Variants in KIDINS220 observed in about 807,000 individuals in gnomAD.
KIDINS220 encodes kinase D interacting substrate 220, also known as kinase D-interacting substrate of 220 kDa.
A neutral mutation model predicts 157.6 loss-of-function variants in KIDINS220; 63 were observed. The ratio of observed to expected loss-of-function variants is 0.40; its 90% CI spans 0.33 to 0.49. KIDINS220 has a LOEUF of 0.49. Ranked by LOEUF, KIDINS220 falls within the 20% of genes least tolerant of loss-of-function variation. The probability of loss-of-function intolerance (pLI) is 0.66; values close to 1 mark genes in which losing one functional copy is unlikely to be tolerated. For missense variants in KIDINS220, 1,772 were observed against 2,171.2 expected (o/e 0.82, Z 3.65); for synonymous variants, 732 against 783.6 (o/e 0.93, Z 1.10).
At chr2:8,733,767 A>G (rs992355112) in intron 28 of KIDINS220, 87 bp from the exon 29 acceptor site, 2 of 889,258 alleles carry the variant, frequency 2.2e-6, no homozygotes, top group African/African-American at 3.4e-5. Context: ...AACATTATAA[A>G]GCTATTGCAA....
chr2:8,786,460 C>A, intron 15 of KIDINS220, 103 bp from the exon 16 acceptor site: 2 of 957,466 alleles, frequency 2.1e-6, no homozygotes, highest in Non-Finnish European at 1.6e-6. Flanking sequence ...TTCTTTTTGT[C>A]TCTTTCAAAA....
chr2:8,772,574 A>G (rs1670377923), intron 21 of KIDINS220, among the ~76,000 whole-genome samples: 1 of 152,218 alleles, frequency 6.6e-6, no homozygotes. Flanking sequence ...ATTCTATCCT[A>G]AGAATATATC....
chr2:8,741,646 TTTG>T lies in KIDINS220; in HGVS notation c.3586-4650_3586-4648del, dbSNP rs552457655. ...ACTAAACTACTGCAATGAACATAAT[TTTG>T]TTGTTTTTAAACTTTTAACTGTACT... On this transcript the variant is annotated intron_variant, in intron 26 of 29. Transcript: ENST00000256707. Among the ~76,000 whole-genome samples the T allele has an allele frequency of 6.0e-4, 91 of 152,210 alleles. No homozygotes were observed. In the South Asian group the frequency reaches 0.013, roughly 22 times the overall value.
chr2:8,785,515 G>A (rs946474839), intron 17 of KIDINS220, among the ~76,000 whole-genome samples: 5 of 152,140 alleles, frequency 3.3e-5, no homozygotes, highest in Admixed American at 2.6e-4. Flanking sequence ...ATGTGTGGGG[G>A]AAGTGGGTAT....
At chr2:8,774,073 AGGCGGGCGGATCAGGAGT>A (rs1670608619) in intron 21 of KIDINS220, among the ~76,000 whole-genome samples, 1 of 151,996 alleles carries the variant, frequency 6.6e-6, no homozygotes, top group African/African-American at 2.4e-5. Context: ...TGGGAGGCCG[AGGCGGGCGGATCAGGAGT>A]TCAAGACCAG....
At chr2:8,762,214 G>A (rs1668829724) in intron 22 of KIDINS220, among the ~76,000 whole-genome samples, 1 of 152,038 alleles carries the variant, frequency 6.6e-6, no homozygotes, top group South Asian at 2.1e-4. Flanking sequence ...GTAGAACTTT[G>A]GAATGTTCTA....
intron 22 of KIDINS220, among the ~76,000 whole-genome samples, chr2:8,752,710 T>TA (rs1379211940): frequency 4.0e-5 from 6 of 151,872 alleles, no homozygotes; most frequent in African/African-American, 9.7e-5. Context: ...TTACACAGAT[T>TA]AAAAAAAAGC....
In KIDINS220 at chr2:8,816,706, C is replaced by T. The variant is rs184926860; in HGVS notation, c.306+912G>A. 3.9e-5 allele frequency among the ~76,000 whole-genome samples: 6 copies of T among 152,292 alleles called. No homozygotes were observed. The East Asian group carries it at 9.6e-4, about 24-fold the overall frequency. On this transcript the variant is annotated intron_variant, in intron 4 of 29. Coordinates refer to ENST00000256707, the MANE Select transcript of KIDINS220 (RefSeq NM_020738.4). Reference sequence around the variant, plus strand: ...ACATTTCACTCTCGGCTGTCATATCCGTCTTTGCCTCAGTTACTGACATCA... The same window carrying T: ...ACATTTCACTCTCGGCTGTCATATCTGTCTTTGCCTCAGTTACTGACATCA...
intron 1 of KIDINS220, among the ~76,000 whole-genome samples, chr2:8,831,729 G>A (rs956490357): frequency 6.6e-6 from 1 of 152,232 alleles, no homozygotes; most frequent in Non-Finnish European, 1.5e-5. Flanking sequence ...AACAGGAGGT[G>A]AGAGAGAAAA....
At chr2:8,770,605 CGTT>C in intron 22 of KIDINS220, 62 bp downstream of exon 22, 5 of 782,480 alleles carry the variant, frequency 6.4e-6, no homozygotes, top group Non-Finnish European at 1.0e-5. Context: ...GCTTTATACG[CGTT>C]TTTTTTTTTT....
At chr2:8,779,269 T>C (rs1671377920) in intron 18 of KIDINS220, 130 bp from the exon 19 acceptor site, 4 of 1,246,382 alleles carry the variant, frequency 3.2e-6, no homozygotes, top group Non-Finnish European at 4.4e-6. Flanking sequence ...CATCAAAACT[T>C]ACTCTGCACA....
At chr2:8,758,933 C>T (rs1384221592) in intron 22 of KIDINS220, among the ~76,000 whole-genome samples, 1 of 152,182 alleles carries the variant, frequency 6.6e-6, no homozygotes, top group African/African-American at 2.4e-5. Context: ...AAGTACACAA[C>T]AACTCTCAAC....
At chr2:8,768,483 C>A (rs1669760914) in intron 22 of KIDINS220, among the ~76,000 whole-genome samples, 1 of 152,068 alleles carries the variant, frequency 6.6e-6, no homozygotes, top group South Asian at 2.1e-4. Context: ...AACAATTTCA[C>A]CAAACACCAA....
intron 26 of KIDINS220, among the ~76,000 whole-genome samples, chr2:8,745,257 G>GT (rs1666378580): frequency 6.6e-6 from 1 of 152,154 alleles, no homozygotes. Flanking sequence ...GCAATAATGT[G>GT]TATGTTAAAG....
At chr2:8,727,857 T>TA (rs1395745642), downstream of KIDINS220, among the ~76,000 whole-genome samples, 2 of 152,238 alleles carry the variant, frequency 1.3e-5, no homozygotes, top group African/African-American at 4.8e-5. Flanking sequence ...AGCTGATCCC[T>TA]AAATACCCAG....
chr2:8,765,829 G>A (rs1002776892), intron 22 of KIDINS220, among the ~76,000 whole-genome samples: 5 of 152,054 alleles, frequency 3.3e-5, no homozygotes, highest in Admixed American at 1.3e-4. Context: ...TCAGCCTCCC[G>A]AGTAGCTGGG....
At chr2:8,806,415 T>C (rs769976790) in intron 6 of KIDINS220, 46 bp from the exon 7 acceptor site, 1 of 1,163,400 alleles carries the variant, frequency 8.6e-7, no homozygotes, top group Non-Finnish European at 1.2e-6. Flanking sequence ...AAAAGTATAC[T>C]CAAAGAAACT....
intron 8 of KIDINS220, among the ~76,000 whole-genome samples, chr2:8,802,321 A>C (rs1477552766): frequency 6.6e-6 from 1 of 152,252 alleles, no homozygotes; most frequent in African/African-American, 2.4e-5. Flanking sequence ...CTGCTTTGAC[A>C]GTAGCACCAC....
intron 2 of KIDINS220, among the ~76,000 whole-genome samples, chr2:8,819,027 T>C (rs1458787314): frequency 2.0e-5 from 3 of 152,226 alleles, no homozygotes; most frequent in Non-Finnish European, 4.4e-5. Context: ...AATCTGTTTT[T>C]GGCACTGCAA....
Sources: gnomAD v4.1 joint callset for allele counts (sites outside exome capture counted in the v4.1 genomes callset) on GRCh38, gnomAD v4.1.1 for gene constraint, MANE v1.5 for transcripts, NCBI Gene and HGNC (gene_info 2026-07-23, HGNC 2026-07-21) for gene names.